The following ARRDC2 variants were observed in gnomAD, a reference collection of about 807,000 sequenced individuals.
ARRDC2 encodes the protein arrestin domain containing 2.
ARRDC2 carries 39 observed loss-of-function variants against 38.9 expected under a neutral mutation model. The observed-to-expected ratio is 1.00, with a 90% CI of 0.78 to 1.31. ARRDC2 has a LOEUF of 1.31. Among genes scored for constraint, ARRDC2 ranks in the 50% most tolerant of loss-of-function variants. ARRDC2 has a pLI of 0.00. For synonymous variants in ARRDC2, 300 were observed against 261.9 expected (o/e 1.15, Z -1.41); for missense variants, 553 against 588.4 (o/e 0.94, Z 0.62).
chr19:18,009,003 G>A lies in ARRDC2; in HGVS notation c.374G>A (p.Gly125Asp), dbSNP rs1320540486. The A allele has an allele frequency of 6.8e-6, 11 of 1,613,696 alleles. No homozygotes were observed. The highest frequency in any genetic ancestry group is 9.3e-6 in the Non-Finnish European group (11 of 1,179,988). ...GTGACATCCTTCGAGGGCAAACACGGTAGTGTCCGCTACTGTATCAAGGCC... is the reference window on the plus strand; with the variant it reads ...GTGACATCCTTCGAGGGCAAACACGATAGTGTCCGCTACTGTATCAAGGCC... Reference protein sequence around the residue: ...TLVTSFEGKHGSVRYCIKATL... With the variant: ...TLVTSFEGKHDSVRYCIKATL... Residue 125 changes from glycine (G) to aspartate (D), a missense_variant, in exon 3 of 8, where the codon GGT becomes GAT. Physicochemically the swap from Gly to Asp is moderately conservative, Grantham distance 94. Coordinates refer to ENST00000222250, the MANE Select transcript of ARRDC2 (RefSeq NM_015683.2).
intron 7 of ARRDC2, among the ~76,000 whole-genome samples, chr19:18,011,062 G>A (rs1326146047): frequency 2.0e-5 from 3 of 152,112 alleles, no homozygotes; most frequent in Admixed American, 6.6e-5. Flanking sequence ...GCAATGGTGC[G>A]ATCTCAGCTC....
chr19:18,008,115 G>GTGGGCGCC, upstream of ARRDC2: 2 of 810,032 alleles, frequency 2.5e-6, no homozygotes, highest in Non-Finnish European at 1.7e-6. Flanking sequence ...AAGAGACGGT[G>GTGGGCGCC]ACCCCACCCC....
chr19:18,005,943 C>T (rs2145998380), upstream of ARRDC2, among the ~76,000 whole-genome samples: 1 of 151,320 alleles, frequency 6.6e-6, no homozygotes, highest in African/African-American at 2.4e-5. Flanking sequence ...CCTCACCTCC[C>T]AGACGGGGTC....
intron 7 of ARRDC2, among the ~76,000 whole-genome samples, chr19:18,011,293 G>A (rs377112597): frequency 2.6e-5 from 4 of 152,092 alleles, no homozygotes; most frequent in South Asian, 2.1e-4. Context: ...TACCACGCCC[G>A]GCCAATTTTT....
At chr19:18,008,126 C>A (rs542911189), upstream of ARRDC2, 122 of 907,740 alleles carry the variant, frequency 1.3e-4, 3 homozygotes, top group East Asian at 2.5e-3. Flanking sequence ...ACCCCACCCC[C>A]CCCCGCCCTG....
chr19:18,010,065 G>T (rs1337240398), intron 5 of ARRDC2, 26 bp downstream of exon 5: 1 of 1,604,384 alleles, frequency 6.2e-7, no homozygotes, highest in South Asian at 1.1e-5. Flanking sequence ...GGCCCTGGGG[G>T]ACAGTGCCTA....
At chr19:18,002,455 C>A (rs910688610) in intron 1 of ARRDC2, among the ~76,000 whole-genome samples, 1 of 152,232 alleles carries the variant, frequency 6.6e-6, no homozygotes, top group African/African-American at 2.4e-5. Context: ...TACCCTCACA[C>A]CCTACTGTGT....
chr19:18,012,237 G>A (rs2033429068), intron 7 of ARRDC2, among the ~76,000 whole-genome samples: 2 of 151,796 alleles, frequency 1.3e-5, no homozygotes, highest in African/African-American at 4.8e-5. Context: ...GGGATTACAG[G>A]CGTGAGCCAC....
chr19:18,008,115 G>GTGGGCCCCCCC, upstream of ARRDC2: 1 of 810,030 alleles, frequency 1.2e-6, no homozygotes, highest in Non-Finnish European at 1.7e-6. Context: ...AAGAGACGGT[G>GTGGGCCCCCCC]ACCCCACCCC....
chr19:18,001,452 GA>G lies in ARRDC2; in HGVS notation c.140del (p.Lys47ArgfsTer66). 7.9e-7 allele frequency: 1 copy of G among 1,266,990 alleles called. No homozygotes were observed. The highest frequency in any genetic ancestry group is 2.7e-5 in the South Asian group (1 of 37,636). 78.5% of individuals were successfully genotyped at this position (1,266,990 alleles called of 1,614,324 possible). On this transcript the variant is annotated frameshift_variant, in exon 1 of 8. Coordinates refer to the ARRDC2 transcript ENST00000379656. LOFTEE classifies it high-confidence loss of function. ...CGCTGCGGGTGCGAGCGCTCGAGGT[GA>G]AGGCGCGCGGCGGGGCGGCCACCCA...
chr19:18,008,760 C>T lies in ARRDC2; in HGVS notation c.324C>T (p.Phe108=). Residue 108 remains phenylalanine, a synonymous_variant, in exon 2 of 8, where the codon TTC becomes TTT. Transcript: ENST00000222250. ...TLPPGRHEFL[F]SFQLPPTLVT... is the part of the protein sequence containing the mutation. The stretch of plus-strand genomic sequence containing the variant: ...CTCCTGGGCGCCATGAGTTCCTGTT[C>T]AGCTTCCAGCTGCCCCCGTAAGTCC... 4 of 1,613,578 alleles carry T rather than the reference C, an allele frequency of 2.5e-6. No homozygotes were observed. The highest frequency in any genetic ancestry group is 1.7e-5 in the Admixed American group (1 of 60,018).
upstream of ARRDC2, chr19:18,008,134 C>A: frequency 2.3e-6 from 3 of 1,301,146 alleles, no homozygotes; most frequent in Non-Finnish European, 3.0e-6. Context: ...CCCCCCCGCC[C>A]TGCCGTATAA....
upstream of ARRDC2, among the ~76,000 whole-genome samples, chr19:18,003,825 G>C (rs1012391766): frequency 2.6e-5 from 4 of 152,024 alleles, no homozygotes; most frequent in Non-Finnish European, 4.4e-5. Flanking sequence ...ATTTTTAGTA[G>C]AGACGGGGTT....
chr19:18,011,154 C>T (rs1426214220), intron 7 of ARRDC2, among the ~76,000 whole-genome samples: 2 of 152,118 alleles, frequency 1.3e-5, no homozygotes, highest in African/African-American at 4.8e-5. Flanking sequence ...TTAGCCACCA[C>T]ACGTGGCTAA....
chr19:18,006,823 C>T (rs1163683752), upstream of ARRDC2, among the ~76,000 whole-genome samples: 3 of 152,202 alleles, frequency 2.0e-5, no homozygotes, highest in Non-Finnish European at 2.9e-5. Flanking sequence ...GTAGTCCCTT[C>T]AGGGTTACCT....
chr19:18,008,126 C>CCCCCCCCCCCCCCCAAAAAAAA, upstream of ARRDC2: 1 of 907,748 alleles, frequency 1.1e-6, no homozygotes, highest in Non-Finnish European at 1.5e-6. Flanking sequence ...ACCCCACCCC[C>CCCCCCCCCCCCCCCAAAAAAAA]CCCCGCCCTG....
In ARRDC2 at chr19:18,008,542, C is replaced by T. The variant is rs1262728861; in HGVS notation, c.232C>T (p.Arg78Cys). 3 of 1,558,962 alleles carry T rather than the reference C, an allele frequency of 1.9e-6. No homozygotes were observed. The highest frequency in any genetic ancestry group is 2.4e-5 in the East Asian group (1 of 42,320). The change falls in exon 1 of 8, where the codon CGC becomes TGC. Residue 78 changes from arginine (R) to cysteine (C), a missense_variant. By Grantham distance (180) the Arg-to-Cys change is radical. This residue lies in a region of ARRDC2 where 447 missense variants were observed against 456.6 expected (regional missense o/e 0.98). Coordinates refer to ENST00000222250, the MANE Select transcript of ARRDC2 (RefSeq NM_015683.2). Reference sequence around the variant, plus strand: ...GGCTTACACGCAGAGCTACAGTGAACGCGTGGAGGTCGTGAGCCACCGCGC... The same window carrying T: ...GGCTTACACGCAGAGCTACAGTGAATGCGTGGAGGTCGTGAGCCACCGCGC... The part of the protein sequence containing the change: ...STAYTQSYSE[R>C]VEVVSHRATL...
intron 6 of ARRDC2, 81 bp downstream of exon 6, chr19:18,010,439 GT>G: frequency 6.4e-7 from 1 of 1,563,522 alleles, no homozygotes; most frequent in Non-Finnish European, 8.6e-7. Context: ...CTCACCACGA[GT>G]CCCCCGGAAT....
chr19:18,007,924 C>G (rs900649102), upstream of ARRDC2: 15 of 323,250 alleles, frequency 4.6e-5, no homozygotes, highest in Non-Finnish European at 8.5e-5. Context: ...TTTTTTTCCT[C>G]TTTACCCCCG....
Sources: gnomAD v4.1 joint callset for allele counts (sites outside exome capture counted in the v4.1 genomes callset) on GRCh38, gnomAD v4.1.1 for gene constraint, gnomAD v4.1.1 regional missense constraint, MANE v1.5 for transcripts, NCBI Gene and HGNC (gene_info 2026-07-23, HGNC 2026-07-21) for gene names.